The following FSTL1 variants were observed in gnomAD, a reference collection of about 807,000 sequenced individuals.
FSTL1 encodes follistatin like 1.
In FSTL1, 24 loss-of-function variants were observed where a neutral mutation model predicts 45.9. That is an observed-to-expected ratio of 0.52 (90% CI 0.38 to 0.74). FSTL1 has a LOEUF of 0.74. Among genes scored for constraint, FSTL1 ranks in the 30% least tolerant of loss-of-function variants. The pLI is 0.00. For missense variants in FSTL1, 340 were observed against 381.8 expected, an observed-to-expected ratio of 0.89 and a Z score of 0.91; for synonymous variants, 120 against 137.6, an observed-to-expected ratio of 0.87 and a Z score of 0.89.
chr3:120,443,626 G>A (rs545317360), intron 2 of FSTL1, among the ~76,000 whole-genome samples: 5 of 149,762 alleles, frequency 3.3e-5, no homozygotes, highest in South Asian at 2.1e-4. Context: ...ACACACACAT[G>A]CACACATGCA....
At chr3:120,405,427 A>G (rs983370913) in intron 6 of FSTL1, among the ~76,000 whole-genome samples, 2 of 152,216 alleles carry the variant, frequency 1.3e-5, no homozygotes, top group Admixed American at 6.5e-5. Context: ...AGCAATGCAG[A>G]TGACCCTCTG....
chr3:120,442,808 A>AGATGTCCAGTTATTTG (rs1559745453), intron 2 of FSTL1, among the ~76,000 whole-genome samples: 1 of 136,760 alleles, frequency 7.3e-6, no homozygotes, highest in African/African-American at 3.5e-5. Flanking sequence ...AAAAAAAAAA[A>AGATGTCCAGTTATTTG]AAGCAGACTT....
At chr3:120,425,537 T>C (rs1047621024) in intron 2 of FSTL1, among the ~76,000 whole-genome samples, 2 of 152,134 alleles carry the variant, frequency 1.3e-5, no homozygotes, top group Non-Finnish European at 2.9e-5. Context: ...GCAAGGTGCT[T>C]GACCTCTCTG....
intron 3 of FSTL1, among the ~76,000 whole-genome samples, chr3:120,413,066 T>C (rs13081675): frequency 0.24 from 36,639 of 152,184 alleles, 5,535 homozygotes; most frequent in Non-Finnish European, 0.35. Context: ...AACTAGGTTA[T>C]GCTTTGGCTG....
intron 9 of FSTL1, chr3:120,400,165 A>C: frequency 1.7e-6 from 1 of 582,140 alleles, no homozygotes; most frequent in Non-Finnish European, 3.1e-6. Context: ...AAAGCAATCT[A>C]CCCCAACTCC....
intron 3 of FSTL1, among the ~76,000 whole-genome samples, chr3:120,414,892 C>T (rs1224970268): frequency 6.6e-6 from 1 of 150,522 alleles, no homozygotes; most frequent in Non-Finnish European, 1.5e-5. Context: ...AAACCAGAGA[C>T]CTTTGTTCAC....
At chr3:120,409,818 G>C in intron 5 of FSTL1, 156 bp from the exon 6 acceptor site, 1 of 516,472 alleles carries the variant, frequency 1.9e-6, no homozygotes, top group Non-Finnish European at 3.3e-6. Context: ...TACACAACTG[G>C]AAAAAGTCTA....
intron 2 of FSTL1, among the ~76,000 whole-genome samples, chr3:120,438,046 A>G (rs1239122481): frequency 1.3e-5 from 2 of 152,194 alleles, no homozygotes; most frequent in African/African-American, 4.8e-5. Flanking sequence ...GCCAGGCAAC[A>G]TGATGAGAAA....
chr3:120,441,695 T>C (rs543064554), intron 2 of FSTL1, among the ~76,000 whole-genome samples: 1 of 152,330 alleles, frequency 6.6e-6, no homozygotes, highest in South Asian at 2.1e-4. Flanking sequence ...CACGCACCCA[T>C]GGCTTTTGGA....
chr3:120,410,861 T>C (rs1407311229), intron 5 of FSTL1, 91 bp downstream of exon 5: 3 of 1,007,056 alleles, frequency 3.0e-6, no homozygotes, highest in Non-Finnish European at 1.6e-6. Context: ...GAAGATCTTA[T>C]GAGCTTGGCA....
At chr3:120,397,148 T>A (rs1000873660) in intron 10 of FSTL1, 152 bp from the exon 11 acceptor site, 14 of 710,630 alleles carry the variant, frequency 2.0e-5, no homozygotes, top group Non-Finnish European at 3.5e-5. Context: ...CAATGAACAA[T>A]TTGAGAACAA....
intron 2 of FSTL1, among the ~76,000 whole-genome samples, chr3:120,446,373 C>T (rs746981950): frequency 4.6e-5 from 7 of 152,184 alleles, no homozygotes; most frequent in Non-Finnish European, 1.0e-4. Flanking sequence ...GGATGGAGTC[C>T]TGGTTTCTGT....
At chr3:120,446,720 G>C (rs1937750372) in intron 2 of FSTL1, among the ~76,000 whole-genome samples, 1 of 152,156 alleles carries the variant, frequency 6.6e-6, no homozygotes. Flanking sequence ...GAACATAGAG[G>C]AGCTCCCAAA....
rs1937177163 is a variant in FSTL1, at chr3:120,415,797, T to C, written c.168+126A>G. ...ATCTGGAATAAGAATTCCACGTTTT[T>C]CAGGGGGATGAAGAATGCTTTTATA... On this transcript the variant is annotated intron_variant, in intron 3 of 10. Coordinates refer to ENST00000295633, the MANE Select transcript of FSTL1 (RefSeq NM_007085.5). The C allele has an allele frequency of 7.3e-6, 4 of 545,494 alleles. No individual in the cohort carries two copies. The East Asian group carries it at 8.6e-5, about 12-fold the overall frequency. The allele number at this position is 545,494 out of a possible 1,614,324, so 33.8% of individuals were successfully genotyped here. A position where few individuals can be genotyped will look rare whatever the true frequency, so the allele number is the denominator to read the frequency against.
At chr3:120,441,946 C>A (rs1937633092) in intron 2 of FSTL1, among the ~76,000 whole-genome samples, 1 of 152,222 alleles carries the variant, frequency 6.6e-6, no homozygotes, top group South Asian at 2.1e-4. Flanking sequence ...GCTTCCAGGT[C>A]TGAGCGCTAA....
intron 1 of FSTL1, 46 bp downstream of exon 1, chr3:120,450,851 G>T: frequency 1.3e-6 from 1 of 768,158 alleles, no homozygotes; most frequent in Non-Finnish European, 2.0e-6. Context: ...AAGCACCCCC[G>T]GCCGCCCGAA....
intron 2 of FSTL1, among the ~76,000 whole-genome samples, chr3:120,434,743 T>C (rs1937523620): frequency 6.6e-6 from 1 of 152,196 alleles, no homozygotes; most frequent in South Asian, 2.1e-4. Context: ...GTTATTACCG[T>C]TCCTTGGAAT....
At chr3:120,414,454 G>C (rs1266646004) in intron 3 of FSTL1, among the ~76,000 whole-genome samples, 1 of 151,970 alleles carries the variant, frequency 6.6e-6, no homozygotes, top group African/African-American at 2.4e-5. Flanking sequence ...GAAGTGAGGA[G>C]CCCCTCTGCC....
chr3:120,413,321 T>C (rs1937108402), intron 3 of FSTL1, among the ~76,000 whole-genome samples: 1 of 152,228 alleles, frequency 6.6e-6, no homozygotes, highest in African/African-American at 2.4e-5. Context: ...GTGCTCACTA[T>C]GTGCTGGGCA....
Sources: gnomAD v4.1 joint callset for allele counts (sites outside exome capture counted in the v4.1 genomes callset) on GRCh38, gnomAD v4.1.1 for gene constraint, MANE v1.5 for transcripts, NCBI Gene and HGNC (gene_info 2026-07-23, HGNC 2026-07-21) for gene names.